The following JHY variants were observed in gnomAD, a reference collection of about 807,000 sequenced individuals.
The protein encoded by JHY is jhy protein homolog.
A neutral mutation model predicts 78.0 loss-of-function variants in JHY; 69 were observed. The ratio of observed to expected loss-of-function variants is 0.88; its 90% CI spans 0.73 to 1.08. The LOEUF is 1.08. Among genes scored for constraint, JHY ranks in the 50% least tolerant of loss-of-function variants. The probability of loss-of-function intolerance (pLI) is 0.00; values close to 1 mark genes in which losing one functional copy is unlikely to be tolerated. For missense variants in JHY, 944 were observed against 927.8 expected, an observed-to-expected ratio of 1.02 and a Z score of -0.23; for synonymous variants, 368 against 342.6, an observed-to-expected ratio of 1.07 and a Z score of -0.82.
intron 3 of JHY, among the ~76,000 whole-genome samples, chr11:122,911,662 T>C (rs1863127897): frequency 6.6e-6 from 1 of 152,070 alleles, no homozygotes; most frequent in Non-Finnish European, 1.5e-5. Context: ...CCCTAGCACT[T>C]TGGGAGGCCA....
Position 122,891,916 on chromosome 11 carries a change from A to G in JHY, c.344+5723A>G, listed in dbSNP as rs540490042. On this transcript the variant is annotated intron_variant, in intron 2 of 8. Transcript: ENST00000227349. ...GATAGAGGATTCTATTTCACTATCC[A>G]GTAAAAATTAAAACTATGACAATTT... Among the ~76,000 whole-genome samples the G allele has an allele frequency of 4.6e-5, 7 of 152,382 alleles. No homozygotes were observed. In the East Asian group the frequency reaches 9.6e-4, roughly 21 times the overall value.
At chr11:122,958,720 C>T in intron 8 of JHY, 1 of 984,336 alleles carries the variant, frequency 1.0e-6, no homozygotes, top group Non-Finnish European at 1.2e-6. Flanking sequence ...AAAAAGACTG[C>T]CTTTTTCAGC....
At chr11:122,903,679 G>A (rs934397650) in intron 2 of JHY, among the ~76,000 whole-genome samples, 2 of 151,880 alleles carry the variant, frequency 1.3e-5, no homozygotes, top group Non-Finnish European at 2.9e-5. Context: ...ATGGAGTCTC[G>A]CTGTGTTGCC....
chr11:122,938,986 C>CT (rs61703024), intron 5 of JHY, among the ~76,000 whole-genome samples: 1,596 of 133,838 alleles, frequency 0.012, 16 homozygotes, highest in Non-Finnish European at 0.014. Context: ...CCTGCTTCTT[C>CT]TTTTTTTTTT....
chr11:122,900,424 G>A (rs1040287441), intron 2 of JHY, among the ~76,000 whole-genome samples: 9 of 149,874 alleles, frequency 6.0e-5, no homozygotes, highest in Non-Finnish European at 1.2e-4. Context: ...TGATTAGAGG[G>A]TTGCATCTAC....
At chr11:122,932,259 A>G (rs1355794817) in intron 4 of JHY, among the ~76,000 whole-genome samples, 39 of 152,272 alleles carry the variant, frequency 2.6e-4, no homozygotes, top group Non-Finnish European at 5.9e-5. Context: ...AAGCCCATAA[A>G]TGGCTTCCTT....
chr11:122,960,622 C>A lies in JHY; in HGVS notation c.*1177C>A. The A allele has an allele frequency of 3.2e-6, 1 of 315,880 alleles. No individual in the cohort carries two copies. Among genetic ancestry groups the A allele is most frequent in the Non-Finnish European group, 6.4e-6 (1 of 156,320 alleles). The allele number at this position is 315,880 out of a possible 1,614,324, so 19.6% of individuals were successfully genotyped here. On this transcript the variant is annotated 3_prime_UTR_variant, in exon 9 of 9. Coordinates refer to ENST00000227349, the MANE Select transcript of JHY (RefSeq NM_024806.4). ...TCCAAAGAAATATACATGATTACCC[C>A]AGAGACCTTTTCTACTATATCAATA...
intron 5 of JHY, among the ~76,000 whole-genome samples, chr11:122,941,459 A>G (rs1429984004): frequency 3.3e-5 from 5 of 152,176 alleles, no homozygotes; most frequent in Admixed American, 6.5e-5. Flanking sequence ...TCCCTACAGT[A>G]TATGTACAAA....
At chr11:122,896,010 A>G (rs1057123236) in intron 2 of JHY, among the ~76,000 whole-genome samples, 1 of 152,154 alleles carries the variant, frequency 6.6e-6, no homozygotes, top group African/African-American at 2.4e-5. Context: ...GATGTTTAAG[A>G]TAGTCTTTTC....
At position 122,946,674 on chromosome 11, in the gene JHY, C is replaced by A. The variant is rs1863970453; in HGVS notation, c.1811C>A (p.Ser604Tyr). The change falls in exon 6 of 9, where the codon TCC becomes TAC. Residue 604 changes from serine to tyrosine, a missense_variant. Coordinates refer to ENST00000227349, the MANE Select transcript of JHY (RefSeq NM_024806.4). ...ATACTGTCAAGGGTAGAAAGTGAATCCCAACTCAGTTCAGAGAGAAGCCAA... is the reference window on the plus strand; with the variant it reads ...ATACTGTCAAGGGTAGAAAGTGAATACCAACTCAGTTCAGAGAGAAGCCAA... ...PPILSRVESESQLSSERSQRN... is the reference protein window; with the variant it reads ...PPILSRVESEYQLSSERSQRN... 6.2e-7 allele frequency: 1 copy of A among 1,613,896 alleles called. No individual in the cohort carries two copies. The highest frequency in any genetic ancestry group is 8.5e-7 in the Non-Finnish European group (1 of 1,180,000).
intron 3 of JHY, among the ~76,000 whole-genome samples, chr11:122,919,334 C>CA (rs1863303958): frequency 8.9e-6 from 1 of 112,984 alleles, no homozygotes; most frequent in African/African-American, 3.5e-5. Flanking sequence ...GCCTGGGCAA[C>CA]AGAGAGAGAC....
intron 6 of JHY, among the ~76,000 whole-genome samples, chr11:122,952,729 C>T (rs1005590097): frequency 6.6e-6 from 1 of 152,228 alleles, no homozygotes; most frequent in Non-Finnish European, 1.5e-5. Context: ...TAAGCTGCTT[C>T]AGACTTAGGA....
intron 3 of JHY, among the ~76,000 whole-genome samples, chr11:122,907,727 C>A (rs78397640): frequency 0.052 from 7,949 of 151,448 alleles, 259 homozygotes; most frequent in South Asian, 0.068. Flanking sequence ...GCCTGTAATC[C>A]CAGCTACTCG....
intron 2 of JHY, among the ~76,000 whole-genome samples, chr11:122,903,149 G>A (rs773721404): frequency 2.0e-5 from 3 of 152,158 alleles, no homozygotes; most frequent in East Asian, 1.9e-4. Context: ...GACCTCAGTC[G>A]TATATGTGGC....
chr11:122,924,737 C>T (rs1863456721), intron 3 of JHY, among the ~76,000 whole-genome samples, 160 bp from the exon 4 acceptor site: 1 of 152,180 alleles, frequency 6.6e-6, no homozygotes, highest in African/African-American at 2.4e-5. Flanking sequence ...TCCTTAAGAA[C>T]AATCAGGTCC....
At chr11:122,937,686 A>G (rs192409151) in intron 5 of JHY, among the ~76,000 whole-genome samples, 89 of 152,076 alleles carry the variant, frequency 5.9e-4, no homozygotes, top group African/African-American at 2.1e-3. Flanking sequence ...TTGTGCTCAT[A>G]TTATCCTTAA....
chr11:122,904,682 TAA>T (rs2135308946), intron 3 of JHY, among the ~76,000 whole-genome samples: 1 of 152,372 alleles, frequency 6.6e-6, no homozygotes, highest in African/African-American at 2.4e-5. Flanking sequence ...ATTATTGCTA[TAA>T]GTCAATTATT....
chr11:122,920,559 CT>C (rs1475334663), intron 3 of JHY, among the ~76,000 whole-genome samples: 3 of 152,176 alleles, frequency 2.0e-5, no homozygotes, highest in South Asian at 2.1e-4. Flanking sequence ...AAAGCATCAA[CT>C]TTTTTTGTAG....
chr11:122,944,183 T>A (rs1863923029), intron 5 of JHY, among the ~76,000 whole-genome samples: 1 of 152,160 alleles, frequency 6.6e-6, no homozygotes, highest in South Asian at 2.1e-4. Flanking sequence ...GGTGATAAAC[T>A]GAGACGATGC....
Sources: gnomAD v4.1 joint callset for allele counts (sites outside exome capture counted in the v4.1 genomes callset) on GRCh38, gnomAD v4.1.1 for gene constraint, MANE v1.5 for transcripts, NCBI Gene and HGNC (gene_info 2026-07-23, HGNC 2026-07-21) for gene names.